Variants in RIC8B observed in about 807,000 individuals in gnomAD.
RIC8B encodes the protein RIC8 guanine nucleotide exchange factor B.
Under a neutral mutation model 57.5 loss-of-function variants are expected in RIC8B, and 16 were observed. The observed-to-expected ratio is 0.28, with a 90% CI of 0.19 to 0.42. The LOEUF is 0.42. RIC8B is among the 10% of genes least tolerant of loss of function. RIC8B has a pLI of 1.00. For synonymous variants in RIC8B, 216 were observed against 250.8 expected (o/e 0.86, Z 1.31); for missense variants, 481 against 677.0 (o/e 0.71, Z 3.21).
chr12:106,791,862 G>A (rs557295972), intron 2 of RIC8B, among the ~76,000 whole-genome samples: 1 of 152,296 alleles, frequency 6.6e-6, no homozygotes, highest in South Asian at 2.1e-4. Flanking sequence ...ATTAATCCTA[G>A]ACTGTGAATC....
At position 106,824,198 on chromosome 12, in the gene RIC8B, T is replaced by C. The variant is rs182127394; in HGVS notation, c.742-1528T>C. ...CCCTTCCCCCAACCTTCAAATGTTA[T>C]ATTGAAAGCATTAAAGCACTTTTAT... On this transcript the variant is annotated intron_variant, in intron 3 of 9. Transcript: ENST00000392837. Among the ~76,000 whole-genome samples, 54 of 152,344 alleles carry C rather than the reference T, an allele frequency of 3.5e-4. 1 individual carries two copies. In the East Asian group the frequency reaches 9.4e-3, roughly 27 times the overall value.
At chr12:106,863,228 A>G (rs1410714049) in intron 8 of RIC8B, among the ~76,000 whole-genome samples, 1 of 152,088 alleles carries the variant, frequency 6.6e-6, no homozygotes, top group African/African-American at 2.4e-5. Context: ...CCAAAGAGGT[A>G]TCTTTAAAAG....
At chr12:106,870,311 C>T (rs1035062699) in intron 8 of RIC8B, among the ~76,000 whole-genome samples, 1 of 152,146 alleles carries the variant, frequency 6.6e-6, no homozygotes, top group African/African-American at 2.4e-5. Flanking sequence ...TATTTAAACA[C>T]TCATTGCCCT....
chr12:106,834,811 G>A (rs1484788732), intron 4 of RIC8B, among the ~76,000 whole-genome samples: 5 of 151,606 alleles, frequency 3.3e-5, no homozygotes, highest in South Asian at 2.1e-4. Context: ...GTGAAACCCC[G>A]TCTCTATTAA....
At chr12:106,826,024 T>C (rs180993608) in intron 4 of RIC8B, among the ~76,000 whole-genome samples, 51 of 152,346 alleles carry the variant, frequency 3.3e-4, no homozygotes, top group African/African-American at 1.2e-3. Flanking sequence ...CACTTTGTTA[T>C]ATTGAGGCTC....
chr12:106,852,222 T>C (rs1255709950), intron 7 of RIC8B, among the ~76,000 whole-genome samples: 1 of 152,248 alleles, frequency 6.6e-6, no homozygotes, highest in Non-Finnish European at 1.5e-5. Flanking sequence ...TCTAAAATTA[T>C]ATGGATTACT....
At chr12:106,798,149 CTT>C in intron 2 of RIC8B, 1 of 579,722 alleles carries the variant, frequency 1.7e-6, no homozygotes, top group Non-Finnish European at 3.2e-6. Context: ...TATCGTAGAT[CTT>C]TTTGATGCCT....
At chr12:106,801,254 A>G (rs2044719436) in intron 2 of RIC8B, among the ~76,000 whole-genome samples, 1 of 152,228 alleles carries the variant, frequency 6.6e-6, no homozygotes, top group Non-Finnish European at 1.5e-5. Context: ...TTTTCTTGTC[A>G]AGAAAGAAAG....
At chr12:106,832,531 C>T (rs1320316610) in intron 4 of RIC8B, among the ~76,000 whole-genome samples, 4 of 149,978 alleles carry the variant, frequency 2.7e-5, no homozygotes, top group South Asian at 2.1e-4. Flanking sequence ...GGGGCCACTG[C>T]ACTCCAGCCT....
At chr12:106,858,563 G>A (rs1356232388) in intron 7 of RIC8B, among the ~76,000 whole-genome samples, 3 of 152,060 alleles carry the variant, frequency 2.0e-5, no homozygotes, top group Non-Finnish European at 4.4e-5. Context: ...GGGAGGCACT[G>A]ATGCCAAGAG....
intron 2 of RIC8B, among the ~76,000 whole-genome samples, chr12:106,805,359 T>C (rs2044958309): frequency 6.6e-6 from 1 of 152,192 alleles, no homozygotes; most frequent in Non-Finnish European, 1.5e-5. Flanking sequence ...TTTCCTCTGC[T>C]GGGCGCCATG....
chr12:106,802,130 A>G (rs1216689304), intron 2 of RIC8B, among the ~76,000 whole-genome samples: 1 of 152,246 alleles, frequency 6.6e-6, no homozygotes, highest in South Asian at 2.1e-4. Context: ...AATTCCTTTG[A>G]CATCTCATTT....
intron 2 of RIC8B, among the ~76,000 whole-genome samples, chr12:106,803,316 C>T (rs927722025): frequency 2.7e-5 from 4 of 150,756 alleles, no homozygotes; most frequent in Admixed American, 6.6e-5. Context: ...GCTTATTTGC[C>T]TACAAAACCC....
At chr12:106,784,234 C>T (rs555399057) in intron 2 of RIC8B, among the ~76,000 whole-genome samples, 190 bp downstream of exon 2, 6 of 152,290 alleles carry the variant, frequency 3.9e-5, no homozygotes, top group African/African-American at 1.4e-4. Flanking sequence ...ACTCTTTCCT[C>T]CTTTGTCCTC....
chr12:106,793,311 A>G (rs886148594), intron 2 of RIC8B, among the ~76,000 whole-genome samples: 2 of 152,194 alleles, frequency 1.3e-5, no homozygotes, highest in Non-Finnish European at 2.9e-5. Context: ...AATTTTGTCC[A>G]GGGGAAGAAG....
At chr12:106,880,680 C>T (rs1049436003) in intron 9 of RIC8B, among the ~76,000 whole-genome samples, 4 of 152,084 alleles carry the variant, frequency 2.6e-5, no homozygotes, top group Non-Finnish European at 5.9e-5. Context: ...AAAATAATTA[C>T]AGTTAAAATA....
intron 9 of RIC8B, among the ~76,000 whole-genome samples, chr12:106,883,004 A>C (rs1951022615): frequency 1.3e-5 from 2 of 152,208 alleles, no homozygotes; most frequent in Admixed American, 6.5e-5. Flanking sequence ...TGATAGACTT[A>C]TTTGAAAATA....
chr12:106,816,535 C>G (rs1429257145), intron 3 of RIC8B, among the ~76,000 whole-genome samples: 1 of 152,098 alleles, frequency 6.6e-6, no homozygotes, highest in Non-Finnish European at 1.5e-5. Flanking sequence ...TGTTTCTATG[C>G]TTATTTGGTA....
chr12:106,798,050 A>G, intron 2 of RIC8B: 1 of 717,170 alleles, frequency 1.4e-6, no homozygotes. Context: ...GACAGAAAAC[A>G]GAAGATCATG....
Sources: allele counts gnomAD v4.1 joint callset (sites outside exome capture counted in the v4.1 genomes callset), GRCh38; gene constraint gnomAD v4.1.1; transcripts MANE v1.5; gene names NCBI Gene and HGNC (gene_info 2026-07-23, HGNC 2026-07-21).